AQP11: variants seen among roughly 807,000 people sequenced by gnomAD.
The protein encoded by AQP11 is aquaporin-11.
In AQP11, 20 loss-of-function variants were observed where a neutral mutation model predicts 21.1. The observed-to-expected ratio is 0.95, with a 90% CI of 0.67 to 1.38. AQP11 has a LOEUF of 1.38. Ranked by LOEUF, AQP11 falls within the 40% of genes most tolerant of loss-of-function variation. AQP11 has a pLI of 0.00. For missense variants in AQP11, 339 were observed against 340.4 expected (o/e 1.00, Z 0.03); for synonymous variants, 167 against 150.1 (o/e 1.11, Z -0.82).
At position 77,596,230 on chromosome 11, in the gene AQP11, C is replaced by T. The variant is rs528388294; in HGVS notation, c.619+5619C>T. 3.9e-3 allele frequency among the ~76,000 whole-genome samples: 597 copies of T among 151,794 alleles called. 2 individuals are homozygous for T. Among genetic ancestry groups the T allele is most frequent in the African/African-American group, 0.014 (573 of 41,376 alleles). On this transcript the variant is annotated intron_variant, in intron 1 of 2. Coordinates refer to ENST00000313578, the MANE Select transcript of AQP11 (RefSeq NM_173039.3). ...CCTATTCATTATCGTCACTACTCTA[C>T]TATTCTTTAACCAATTCAACGCCAA...
At chr11:77,595,947 A>G (rs1958775988) in intron 1 of AQP11, among the ~76,000 whole-genome samples, 1 of 151,692 alleles carries the variant, frequency 6.6e-6, no homozygotes, top group Admixed American at 6.6e-5. Flanking sequence ...AGCAAGACTC[A>G]GTGTCAAAAA....
At chr11:77,603,985 C>T (rs566294090) in intron 2 of AQP11, among the ~76,000 whole-genome samples, 1 of 151,754 alleles carries the variant, frequency 6.6e-6, no homozygotes, top group African/African-American at 2.4e-5. Flanking sequence ...CATTTGTGAG[C>T]TCCAGATAAA....
intron 1 of AQP11, among the ~76,000 whole-genome samples, chr11:77,593,071 GA>G (rs1329915889): frequency 2.6e-5 from 4 of 152,228 alleles, no homozygotes; most frequent in African/African-American, 9.6e-5. Flanking sequence ...ACTGAAATTA[GA>G]TTCAGAGTAG....
chr11:77,600,529 G>T (rs1445477723), intron 1 of AQP11, among the ~76,000 whole-genome samples: 2 of 152,176 alleles, frequency 1.3e-5, no homozygotes, highest in African/African-American at 4.8e-5. Context: ...GATACAGGAT[G>T]AGGAAACAAT....
chr11:77,600,641 A>G (rs1381289707), intron 1 of AQP11, among the ~76,000 whole-genome samples: 1 of 152,244 alleles, frequency 6.6e-6, no homozygotes, highest in Admixed American at 6.5e-5. Context: ...ATGATATTCC[A>G]AAGTAATAGT....
rs773186685 is a variant in AQP11, at chr11:77,589,981, G to T, written c.-12G>T. ...GCCGGAGCCCGCAACCCGCTCAGGC[G>T]GCGACGGAGCCATGTCGCCGCTGCT... is the stretch of plus-strand genomic sequence containing the variant. On this transcript the variant is annotated 5_prime_UTR_variant, in exon 1 of 3. Transcript: ENST00000313578. 93 of 1,468,016 alleles carry T rather than the reference G, an allele frequency of 6.3e-5. No homozygotes were observed. The highest frequency in any genetic ancestry group is 8.0e-5 in the Non-Finnish European group (89 of 1,116,820). The allele number at this position is 1,468,016 out of a possible 1,614,324, so 90.9% of individuals were successfully genotyped here. A position where few individuals can be genotyped will look rare whatever the true frequency, so the allele number is the denominator to read the frequency against.
intron 2 of AQP11, among the ~76,000 whole-genome samples, chr11:77,607,736 T>C (rs1958854831): frequency 6.6e-6 from 1 of 151,080 alleles, no homozygotes; most frequent in South Asian, 2.1e-4. Context: ...GCACTCCAGC[T>C]TGAGTGATGG....
At chr11:77,603,340 G>A (rs889438251) in intron 1 of AQP11, among the ~76,000 whole-genome samples, 2 of 152,078 alleles carry the variant, frequency 1.3e-5, no homozygotes, top group Non-Finnish European at 2.9e-5. Context: ...GAAAAGCACT[G>A]GGTTCAAACT....
intron 1 of AQP11, 81 bp from the exon 2 acceptor site, chr11:77,603,475 C>T: frequency 1.0e-6 from 1 of 970,560 alleles, no homozygotes; most frequent in Non-Finnish European, 1.5e-6. Context: ...ATAAAAGTCA[C>T]ATTTAGTAAC....
intron 1 of AQP11, among the ~76,000 whole-genome samples, chr11:77,593,508 G>T (rs1275117486): frequency 2.0e-5 from 3 of 152,098 alleles, no homozygotes; most frequent in Non-Finnish European, 4.4e-5. Context: ...ATGGTGGCGG[G>T]TGCCTGTAGT....
At position 77,590,431 on chromosome 11, in the gene AQP11, C is replaced by CA. The variant is rs1565115741; in HGVS notation, c.440dup (p.His147GlnfsTer70). The CA allele has an allele frequency of 6.2e-7, 1 of 1,614,072 alleles. No individual in the cohort carries two copies. On this transcript the variant is annotated frameshift_variant, in exon 1 of 3. Transcript: ENST00000313578. LOFTEE classifies it high-confidence loss of function. ...GTGGAGCTTGGGTCTGACCCAGTAT[C>CA]ACGTCAGCGAGAGGAGCTTCGCTTG... is the stretch of plus-strand genomic sequence containing the variant.
In AQP11 at chr11:77,610,061, T is replaced by C. The variant is rs1413421808; in HGVS notation, c.*684T>C. The stretch of plus-strand genomic sequence containing the variant: ...AAGTCAGGATTTAAGCTTTTCACAT[T>C]CTCCTTTGAACCAACAGCTAGCTAC... On this transcript the variant is annotated 3_prime_UTR_variant, in exon 3 of 3. Coordinates refer to ENST00000313578, the MANE Select transcript of AQP11 (RefSeq NM_173039.3). The C allele has an allele frequency of 6.6e-6, 1 of 152,182 alleles. No individual in the cohort carries two copies. Among genetic ancestry groups the C allele is most frequent in the East Asian group, 1.9e-4 (1 of 5,194 alleles). 9.4% of individuals were successfully genotyped at this position (152,182 alleles called of 1,614,324 possible). A position where few individuals can be genotyped will look rare whatever the true frequency, so the allele number is the denominator to read the frequency against.
At chr11:77,591,324 G>A in intron 1 of AQP11, 7 of 984,418 alleles carry the variant, frequency 7.1e-6, no homozygotes, top group Non-Finnish European at 8.4e-6. Flanking sequence ...AGATGCAGTG[G>A]GCAATCTAGT....
chr11:77,595,042 G>C (rs1023802902), intron 1 of AQP11, among the ~76,000 whole-genome samples: 1 of 152,104 alleles, frequency 6.6e-6, no homozygotes. Flanking sequence ...TGCATAATTA[G>C]ATATTGAAAA....
At chr11:77,592,285 A>C (rs1252306774) in intron 1 of AQP11, among the ~76,000 whole-genome samples, 1 of 152,062 alleles carries the variant, frequency 6.6e-6, no homozygotes, top group Non-Finnish European at 1.5e-5. Context: ...AAAAAAAAGA[A>C]AAAGAGAAAA....
chr11:77,592,374 A>C (rs1056233464), intron 1 of AQP11, among the ~76,000 whole-genome samples: 4 of 152,262 alleles, frequency 2.6e-5, no homozygotes, highest in African/African-American at 9.6e-5. Flanking sequence ...TAGCTAAAGC[A>C]GAAACATCCC....
At chr11:77,595,845 C>G (rs113734647) in intron 1 of AQP11, among the ~76,000 whole-genome samples, 1 of 151,304 alleles carries the variant, frequency 6.6e-6, no homozygotes, top group East Asian at 2.0e-4. Flanking sequence ...CGCTTGAACC[C>G]GGGAGGTGGA....
At chr11:77,603,991 A>T (rs1958830396) in intron 2 of AQP11, among the ~76,000 whole-genome samples, 2 of 152,048 alleles carry the variant, frequency 1.3e-5, no homozygotes, top group African/African-American at 4.8e-5. Context: ...TGAGCTCCAG[A>T]TAAAGTATCA....
At chr11:77,599,484 A>G (rs1040290923) in intron 1 of AQP11, among the ~76,000 whole-genome samples, 1 of 136,644 alleles carries the variant, frequency 7.3e-6, no homozygotes. Flanking sequence ...GGGTTTCACC[A>G]TGTTGCCCAG....
Sources: allele counts gnomAD v4.1 joint callset (sites outside exome capture counted in the v4.1 genomes callset), GRCh38; gene constraint gnomAD v4.1.1; transcripts MANE v1.5; gene names NCBI Gene and HGNC (gene_info 2026-07-23, HGNC 2026-07-21).